SLIT3: variants seen among roughly 807,000 people sequenced by gnomAD.
SLIT3 encodes slit guidance ligand 3, also known as slit homolog 3 protein.
Under a neutral mutation model 184.0 loss-of-function variants are expected in SLIT3, and 68 were observed. That is an observed-to-expected ratio of 0.37 (90% CI 0.30 to 0.45). The LOEUF (loss-of-function observed/expected upper bound fraction) is 0.45, where lower values mean the gene tolerates loss of function less well. Among genes scored for constraint, SLIT3 ranks in the 20% least tolerant of loss-of-function variants. SLIT3 has a pLI of 1.00. For synonymous variants in SLIT3, 831 were observed against 828.6 expected, an observed-to-expected ratio of 1.00 and a Z score of -0.05; for missense variants, 1,707 against 2,026.0, an observed-to-expected ratio of 0.84 and a Z score of 3.02.
intron 3 of SLIT3, 92 bp downstream of exon 3, chr5:169,244,613 T>C: frequency 8.8e-7 from 1 of 1,134,220 alleles, no homozygotes; most frequent in Non-Finnish European, 1.3e-6. Context: ...TTAACAAGGT[T>C]ATAAGGCCAA....
intron 4 of SLIT3, among the ~76,000 whole-genome samples, chr5:169,031,404 G>T (rs1208762222): frequency 6.6e-6 from 1 of 151,370 alleles, no homozygotes; most frequent in Admixed American, 6.6e-5. Flanking sequence ...ATCTGAAACA[G>T]ATAATCTTAC....
intron 4 of SLIT3, among the ~76,000 whole-genome samples, chr5:168,922,267 C>G (rs1470439349): frequency 1.3e-5 from 2 of 151,896 alleles, no homozygotes; most frequent in African/African-American, 4.8e-5. Flanking sequence ...ACCATCCTGG[C>G]GAACATGGTG....
intron 3 of SLIT3, among the ~76,000 whole-genome samples, chr5:169,222,204 GA>G (rs1764638404): frequency 6.6e-6 from 1 of 152,038 alleles, no homozygotes; most frequent in Non-Finnish European, 1.5e-5. Flanking sequence ...ATATTTCTGT[GA>G]ATTAATTCCT....
intron 4 of SLIT3, among the ~76,000 whole-genome samples, chr5:169,118,036 G>T (rs1210079526): frequency 1.3e-5 from 2 of 152,304 alleles, no homozygotes; most frequent in East Asian, 3.9e-4. Flanking sequence ...ATGTGGCTGG[G>T]GGTGGTGGTT....
At chr5:168,776,594 G>T (rs759485417) in intron 12 of SLIT3, among the ~76,000 whole-genome samples, 6 of 152,126 alleles carry the variant, frequency 3.9e-5, no homozygotes, top group Non-Finnish European at 8.8e-5. Flanking sequence ...TCTCTAGAGG[G>T]CTCAGTTTCT....
rs138771279 is a variant in SLIT3 at position 169,123,039 on chromosome 5, A to G, written c.413+70440T>C. ...AAAATGATTAATGGGAAAAATACAT[A>G]TGAGGGATCTTCAAAAACTTAATGG... On this transcript the variant is annotated intron_variant, in intron 4 of 35. Coordinates refer to ENST00000519560, the MANE Select transcript of SLIT3 (RefSeq NM_003062.4). Among the ~76,000 whole-genome samples, 4 of 152,304 alleles carry G rather than the reference A, an allele frequency of 2.6e-5. No homozygotes were observed. In the East Asian group the frequency reaches 7.7e-4, roughly 29 times the overall value.
chr5:169,294,334 T>C (rs986379428), intron 1 of SLIT3, among the ~76,000 whole-genome samples: 1 of 149,840 alleles, frequency 6.7e-6, no homozygotes, highest in Non-Finnish European at 1.5e-5. Context: ...ATAAAATGCA[T>C]TCCTTATTTA....
chr5:169,153,896 G>A (rs1345865301), intron 4 of SLIT3, among the ~76,000 whole-genome samples: 2 of 151,750 alleles, frequency 1.3e-5, no homozygotes, highest in Non-Finnish European at 2.9e-5. Flanking sequence ...CTTAGTTCAA[G>A]TTCATGCATG....
chr5:168,710,977 A>C lies in SLIT3; in HGVS notation c.2637T>G (p.Pro879=). ...CAGGGCTACTGCAGCGGGCGATGCCAGGCTCCTTGTACCCCGCCTTCACCC... is the reference window on the plus strand; with the variant it reads ...CAGGGCTACTGCAGCGGGCGATGCCCGGCTCCTTGTACCCCGCCTTCACCC... ...SEWVKAGYKE[P]GIARCSSPEP... Residue 879 remains proline (P), a synonymous_variant, in exon 25 of 36, where the codon CCT becomes CCG. Coordinates refer to ENST00000519560, the MANE Select transcript of SLIT3 (RefSeq NM_003062.4). The C allele has an allele frequency of 1.3e-6, 2 of 1,568,696 alleles. No homozygotes were observed. The highest frequency in any genetic ancestry group is 1.7e-6 in the Non-Finnish European group (2 of 1,155,852).
rs1156894637 is a variant in SLIT3, at chr5:168,662,398, G to C, written c.*4056C>G. The C allele has an allele frequency of 6.6e-6, 1 of 152,208 alleles. No homozygotes were observed. The highest frequency in any genetic ancestry group is 1.9e-4 in the East Asian group (1 of 5,186). The allele number at this position is 152,208 out of a possible 1,614,324, so 9.4% of individuals were successfully genotyped here. A position where few individuals can be genotyped will look rare whatever the true frequency, so the allele number is the denominator to read the frequency against. ...TAGCTTTGTTTCTGGTGAAGGGAAA[G>C]GTTAGATCATCCTGGTCCTGGCCTT... On this transcript the variant is annotated 3_prime_UTR_variant, in exon 36 of 36. Transcript: ENST00000519560.
intron 3 of SLIT3, among the ~76,000 whole-genome samples, chr5:169,194,185 A>C (rs996638836): frequency 1.5e-5 from 2 of 132,318 alleles, no homozygotes; most frequent in African/African-American, 2.8e-5. Flanking sequence ...CAGTGAGCTG[A>C]GATCGTGCCA....
At chr5:168,699,905 C>T (rs780788857) in intron 27 of SLIT3, among the ~76,000 whole-genome samples, 4 of 152,138 alleles carry the variant, frequency 2.6e-5, no homozygotes, top group Non-Finnish European at 5.9e-5. Flanking sequence ...AAGCCTTCAC[C>T]CAATCCTTCT....
At chr5:169,199,667 G>A (rs1160382670) in intron 3 of SLIT3, among the ~76,000 whole-genome samples, 2 of 152,148 alleles carry the variant, frequency 1.3e-5, no homozygotes, top group Admixed American at 1.3e-4. Context: ...GGCCTAAGAA[G>A]GTTAAGAACT....
At chr5:169,242,054 C>G (rs988129189) in intron 3 of SLIT3, among the ~76,000 whole-genome samples, 2 of 152,016 alleles carry the variant, frequency 1.3e-5, no homozygotes, top group Admixed American at 1.3e-4. Context: ...ATAAGGTGAG[C>G]CAGGAGAAAG....
At chr5:168,994,682 G>T in intron 4 of SLIT3, among the ~76,000 whole-genome samples, 1 of 94,908 alleles carries the variant, frequency 1.1e-5, no homozygotes, top group Non-Finnish European at 1.9e-5. Flanking sequence ...GTCTTGCTCT[G>T]TCACCCAGGC....
At chr5:168,757,511 G>A (rs1754991597) in intron 16 of SLIT3, among the ~76,000 whole-genome samples, 1 of 152,130 alleles carries the variant, frequency 6.6e-6, no homozygotes, top group African/African-American at 2.4e-5. Flanking sequence ...TCGGCTCACT[G>A]GAAGCTCCGC....
intron 5 of SLIT3, chr5:168,844,943 C>T: frequency 2.5e-6 from 1 of 397,738 alleles, no homozygotes; most frequent in South Asian, 3.9e-5. Flanking sequence ...AATTTCATTA[C>T]ATTAGGGCAT....
In SLIT3 at chr5:168,858,456, A is replaced by G. The variant is rs1053159526; in HGVS notation, c.486-13801T>C. Among the ~76,000 whole-genome samples, 6 of 152,250 alleles carry G rather than the reference A, an allele frequency of 3.9e-5. 1 individual carries two copies. The highest frequency in any genetic ancestry group is 2.6e-4 in the Admixed American group (4 of 15,290). On this transcript the variant is annotated intron_variant, in intron 5 of 35. Coordinates refer to ENST00000519560, the MANE Select transcript of SLIT3 (RefSeq NM_003062.4). ...GTCTTATAAGCCTTGGTTTGGGGAA[A>G]GTAAGGTCCTTTCAAGTGAGACTTA...
At chr5:169,099,137 T>C (rs1176056826) in intron 4 of SLIT3, among the ~76,000 whole-genome samples, 1 of 152,096 alleles carries the variant, frequency 6.6e-6, no homozygotes, top group Admixed American at 6.5e-5. Context: ...CTCATCTTCT[T>C]CTGACCTAGC....
Sources: gnomAD v4.1 joint callset for allele counts (sites outside exome capture counted in the v4.1 genomes callset) on GRCh38, gnomAD v4.1.1 for gene constraint, MANE v1.5 for transcripts, NCBI Gene and HGNC (gene_info 2026-07-23, HGNC 2026-07-21) for gene names.